The following PCSK5 variants were observed in gnomAD, a reference collection of about 807,000 sequenced individuals.
PCSK5 encodes the protein prohormone convertase 5.
Under a neutral mutation model 233.2 loss-of-function variants are expected in PCSK5, and 129 were observed. The observed-to-expected ratio is 0.55, with a 90% CI of 0.48 to 0.64. The LOEUF (loss-of-function observed/expected upper bound fraction) is 0.64, where lower values mean the gene tolerates loss of function less well. Ranked by LOEUF, PCSK5 falls within the 30% of genes least tolerant of loss-of-function variation. The probability of loss-of-function intolerance (pLI) is 0.00; values close to 1 mark genes in which losing one functional copy is unlikely to be tolerated. For synonymous variants in PCSK5, 825 were observed against 879.2 expected, an observed-to-expected ratio of 0.94 and a Z score of 1.09; for missense variants, 2,076 against 2,430.1, an observed-to-expected ratio of 0.85 and a Z score of 3.06.
chr9:76,332,025 G>A (rs1476706568), intron 33 of PCSK5, among the ~76,000 whole-genome samples: 2 of 152,186 alleles, frequency 1.3e-5, no homozygotes, highest in African/African-American at 4.8e-5. Flanking sequence ...CTTCCCCCTA[G>A]TTAACCAGAT....
At chr9:76,028,489 G>A (rs953863214) in intron 5 of PCSK5, among the ~76,000 whole-genome samples, 23 of 152,246 alleles carry the variant, frequency 1.5e-4, no homozygotes, top group Admixed American at 1.1e-3. Flanking sequence ...AATCATAGGG[G>A]GCTGAAGTGA....
At chr9:76,044,674 C>T (rs1162413749) in intron 5 of PCSK5, among the ~76,000 whole-genome samples, 2 of 152,118 alleles carry the variant, frequency 1.3e-5, no homozygotes, top group Non-Finnish European at 2.9e-5. Context: ...ATCAGGAAAG[C>T]CTAGTAATAG....
At chr9:75,994,400 C>CTTTTTTTTTTTTTTTTTTTTTTTTTTTT (rs550518074) in intron 3 of PCSK5, among the ~76,000 whole-genome samples, 10 of 82,062 alleles carry the variant, frequency 1.2e-4, no homozygotes, top group South Asian at 4.6e-4. Context: ...TTCTTTCTTT[C>CTTTTTTTTTTTTTTTTTTTTTTTTTTTT]TTTTTTTTTT....
chr9:76,078,074 G>A (rs1360081602), intron 7 of PCSK5, among the ~76,000 whole-genome samples: 1 of 152,166 alleles, frequency 6.6e-6, no homozygotes, highest in South Asian at 2.1e-4. Context: ...TTTGTTGTCT[G>A]CATGTATGTC....
At chr9:76,024,682 G>A (rs774439413) in intron 4 of PCSK5, among the ~76,000 whole-genome samples, 11 of 152,088 alleles carry the variant, frequency 7.2e-5, no homozygotes, top group African/African-American at 1.9e-4. Context: ...TGTGAGTGCC[G>A]TCTTTTATGT....
At chr9:75,934,891 TTTTG>T (rs780680087) in intron 2 of PCSK5, among the ~76,000 whole-genome samples, 125 of 151,976 alleles carry the variant, frequency 8.2e-4, no homozygotes, top group Non-Finnish European at 1.4e-3. Flanking sequence ...GGCCTTGTTT[TTTTG>T]TTTGTTTGTT....
chr9:75,942,267 G>C (rs1029015624), intron 2 of PCSK5, among the ~76,000 whole-genome samples: 1 of 152,196 alleles, frequency 6.6e-6, no homozygotes, highest in Non-Finnish European at 1.5e-5. Flanking sequence ...TTAAATATTG[G>C]CAACTAGTTC....
intron 2 of PCSK5, among the ~76,000 whole-genome samples, chr9:75,934,204 C>T (rs965234955): frequency 3.9e-5 from 6 of 152,064 alleles, no homozygotes; most frequent in African/African-American, 1.4e-4. Context: ...TGCTGCACTC[C>T]CCTGCCTCCT....
At chr9:76,139,985 A>G (rs1587677354) in intron 10 of PCSK5, among the ~76,000 whole-genome samples, 1 of 152,100 alleles carries the variant, frequency 6.6e-6, no homozygotes, top group Non-Finnish European at 1.5e-5. Context: ...CAGAATGTTC[A>G]ACTCATGCCT....
chr9:76,342,983 G>A (rs904350786), intron 35 of PCSK5, among the ~76,000 whole-genome samples: 2 of 151,970 alleles, frequency 1.3e-5, no homozygotes, highest in Non-Finnish European at 1.5e-5. Flanking sequence ...TCTTAGTTCA[G>A]ACTCATCATT....
chr9:75,954,225 T>C (rs902211918), intron 2 of PCSK5, among the ~76,000 whole-genome samples: 1 of 152,212 alleles, frequency 6.6e-6, no homozygotes, highest in Admixed American at 6.5e-5. Flanking sequence ...TCTGAGATTA[T>C]CATCAGGATA....
intron 22 of PCSK5, among the ~76,000 whole-genome samples, chr9:76,236,409 C>T (rs758392876): frequency 7.9e-5 from 12 of 152,158 alleles, no homozygotes; most frequent in Non-Finnish European, 1.8e-4. Context: ...ACTCTTGTCC[C>T]CTATTATCCC....
intron 32 of PCSK5, among the ~76,000 whole-genome samples, chr9:76,325,163 G>T (rs1829324506): frequency 6.6e-6 from 1 of 152,132 alleles, no homozygotes; most frequent in South Asian, 2.1e-4. Flanking sequence ...GTTCGTGTGG[G>T]AGGCAGGCTG....
chr9:76,050,508 T>C (rs1403786813), intron 5 of PCSK5, among the ~76,000 whole-genome samples: 4 of 152,188 alleles, frequency 2.6e-5, no homozygotes, highest in African/African-American at 9.7e-5. Context: ...ATTATAAAAT[T>C]TTCTTTTAAT....
At chr9:76,045,445 C>T (rs1216969324) in intron 5 of PCSK5, among the ~76,000 whole-genome samples, 3 of 152,224 alleles carry the variant, frequency 2.0e-5, no homozygotes, top group African/African-American at 7.2e-5. Context: ...TTCTCAGCTA[C>T]CCCATGCCAA....
chr9:76,164,916 C>T (rs6560507), intron 12 of PCSK5, among the ~76,000 whole-genome samples: 121,863 of 151,734 alleles, frequency 0.8, 49,015 homozygotes, highest in Middle Eastern at 0.88. Flanking sequence ...TTGATAATAG[C>T]TTGCATATTG....
At chr9:76,045,400 G>A (rs768824769) in intron 5 of PCSK5, among the ~76,000 whole-genome samples, 23 of 152,142 alleles carry the variant, frequency 1.5e-4, no homozygotes, top group Non-Finnish European at 2.9e-4. Flanking sequence ...GGTTTCCATG[G>A]AAATGGAAAT....
intron 35 of PCSK5, among the ~76,000 whole-genome samples, chr9:76,343,333 T>TGTG (rs1564191885): frequency 0.016 from 2,142 of 133,886 alleles, 47 homozygotes; most frequent in Non-Finnish European, 0.024. Context: ...CCTGGGTAAT[T>TGTG]TGTGTGTGTG....
At chr9:76,078,118 G>A (rs1009995790) in intron 7 of PCSK5, among the ~76,000 whole-genome samples, 4 of 152,084 alleles carry the variant, frequency 2.6e-5, no homozygotes, top group South Asian at 2.1e-4. Context: ...TGTCTTTTGC[G>A]CATTTGTTAA....
Sources: gnomAD v4.1 joint callset for allele counts (sites outside exome capture counted in the v4.1 genomes callset) on GRCh38, gnomAD v4.1.1 for gene constraint, MANE v1.5 for transcripts, NCBI Gene and HGNC (gene_info 2026-07-23, HGNC 2026-07-21) for gene names.